Variants in OR2T2 observed in about 807,000 individuals in gnomAD.
OR2T2 encodes olfactory receptor 2T2.
For synonymous variants in OR2T2, 50 were observed against 162.7 expected, an observed-to-expected ratio of 0.31 and a Z score of 5.27; for missense variants, 138 against 409.1, an observed-to-expected ratio of 0.34 and a Z score of 5.72.
chr1:248,453,756 T>C (rs747760520), exon 3 of OR2T2: 10 of 1,552,088 alleles, frequency 6.4e-6, no homozygotes, highest in Non-Finnish European at 8.7e-6. Flanking sequence ...GTGGCGACTG[T>C]GATCAGGAAG....
chr1:248,446,349 C>T (rs1662649681), intron 1 of OR2T2, among the ~76,000 whole-genome samples: 1 of 144,946 alleles, frequency 6.9e-6, no homozygotes, highest in Non-Finnish European at 1.5e-5. Context: ...ATGTTGGAAG[C>T]TCAGGCTGTA....
exon 3 of OR2T2, chr1:248,454,174 A>G (rs1444612255): frequency 5.0e-6 from 1 of 200,844 alleles, no homozygotes; most frequent in Non-Finnish European, 8.4e-6. Flanking sequence ...TGTGACCATG[A>G]GTCCTTCCTG....
At chr1:248,445,876 A>G (rs1457021550) in intron 1 of OR2T2, among the ~76,000 whole-genome samples, 2 of 150,662 alleles carry the variant, frequency 1.3e-5, no homozygotes, top group Admixed American at 1.3e-4. Flanking sequence ...GGCATTTAGC[A>G]TGAAACGTGG....
chr1:248,446,868 A>G (rs1389243131), intron 2 of OR2T2, 57 bp downstream of exon 2: 2 of 147,474 alleles, frequency 1.4e-5, no homozygotes, highest in African/African-American at 2.7e-5. Flanking sequence ...AACTTCTGGC[A>G]TAGTAAGTGT....
chr1:248,450,603 T>C (rs1392701920), intron 2 of OR2T2, among the ~76,000 whole-genome samples: 1 of 152,228 alleles, frequency 6.6e-6, no homozygotes, highest in Non-Finnish European at 1.5e-5. Context: ...TCAAAAGTAA[T>C]TGGTTATTTT....
exon 2 of OR2T2, chr1:248,446,627 C>T (rs1219836945): frequency 6.8e-6 from 1 of 147,862 alleles, no homozygotes; most frequent in African/African-American, 2.7e-5. Flanking sequence ...ATGCCAGATC[C>T]TTTGATTTCT....
chr1:248,453,571 C>T (rs1207516842), exon 3 of OR2T2: 4 of 1,550,320 alleles, frequency 2.6e-6, no homozygotes, highest in Non-Finnish European at 3.5e-6. Flanking sequence ...CAGCCTTCTA[C>T]ACCAACGTGC....
At chr1:248,447,573 G>C (rs1245959230) in intron 2 of OR2T2, among the ~76,000 whole-genome samples, 1 of 149,906 alleles carries the variant, frequency 6.7e-6, no homozygotes. Flanking sequence ...TCCCATTTGC[G>C]AGCCTTTTGA....
At chr1:248,447,956 G>T (rs1662705383) in intron 2 of OR2T2, among the ~76,000 whole-genome samples, 3 of 152,272 alleles carry the variant, frequency 2.0e-5, no homozygotes, top group Admixed American at 2.0e-4. Flanking sequence ...ATTTTGAGTA[G>T]TGTGGTGGAA....
At chr1:248,447,000 T>TGG (rs1413442706) in intron 2 of OR2T2, among the ~76,000 whole-genome samples, 189 bp downstream of exon 2, 1 of 148,148 alleles carries the variant, frequency 6.8e-6, no homozygotes, top group African/African-American at 2.6e-5. Context: ...TCAGTTGGGA[T>TGG]GGGAGGGAAA....
At chr1:248,450,811 TTGCAAAAGCCAC>T (rs1662780902) in intron 2 of OR2T2, among the ~76,000 whole-genome samples, 1 of 147,100 alleles carries the variant, frequency 6.8e-6, no homozygotes, top group East Asian at 2.0e-4. Context: ...CAACAAGCTA[TTGCAAAAGCCAC>T]TGCAAATGGA....
rs1290024510 is a variant in OR2T2 at position 248,450,594 on chromosome 1, CA to C, written c.-22-2178del. Among the ~76,000 whole-genome samples, 44 of 152,292 alleles carry C rather than the reference CA, an allele frequency of 2.9e-4. No individual in the cohort carries two copies. In the East Asian group the frequency reaches 6.9e-3, roughly 24 times the overall value. ...AAATGCTCTGGTTCATGTTCTGATT[CA>C]AAAGTAATTGGTTATTTTCTTAGGT... On this transcript the variant is annotated intron_variant, in intron 2 of 2. Coordinates refer to ENST00000642130, the Ensembl canonical transcript of OR2T2.
At chr1:248,447,360 TTTCA>T (rs35486673) in intron 2 of OR2T2, among the ~76,000 whole-genome samples, 23,012 of 113,310 alleles carry the variant, frequency 0.2, 310 homozygotes, top group East Asian at 0.41. Flanking sequence ...CAGGTGGATC[TTTCA>T]TAAGTACCTT....
intron 2 of OR2T2, among the ~76,000 whole-genome samples, chr1:248,448,902 T>TGAGC (rs1376134355): frequency 3.4e-5 from 4 of 119,140 alleles, no homozygotes; most frequent in Non-Finnish European, 7.0e-5. Context: ...ATTTGACAGC[T>TGAGC]GAGCAAAGCA....
chr1:248,447,766 T>C (rs1264505354), intron 2 of OR2T2, among the ~76,000 whole-genome samples: 1 of 152,184 alleles, frequency 6.6e-6, no homozygotes, highest in South Asian at 2.1e-4. Flanking sequence ...TTTCATGCTT[T>C]AAGATCCTTT....
chr1:248,449,788 A>C (rs1303203011), intron 2 of OR2T2, among the ~76,000 whole-genome samples: 3 of 122,032 alleles, frequency 2.5e-5, no homozygotes, highest in Non-Finnish European at 4.7e-5. Context: ...TGAAGCTTTG[A>C]TCACGCAAAT....
chr1:248,452,559 C>T (rs1405778441), intron 2 of OR2T2, among the ~76,000 whole-genome samples: 1 of 130,044 alleles, frequency 7.7e-6, no homozygotes, highest in Non-Finnish European at 1.5e-5. Flanking sequence ...CTGTAGAGTA[C>T]AGAACTATGA....
intron 2 of OR2T2, among the ~76,000 whole-genome samples, chr1:248,448,069 G>C (rs1475055459): frequency 2.0e-5 from 3 of 152,378 alleles, no homozygotes; most frequent in South Asian, 2.1e-4. Context: ...CTCAGTGCTT[G>C]TGTTCAAGTA....
At chr1:248,453,991 T>C in exon 3 of OR2T2, 2 of 582,292 alleles carry the variant, frequency 3.4e-6, no homozygotes, top group Non-Finnish European at 5.9e-6. Flanking sequence ...ACAGGCAAAA[T>C]CATCCTGTTG....
Sources: allele counts gnomAD v4.1 joint callset (sites outside exome capture counted in the v4.1 genomes callset), GRCh38; gene constraint gnomAD v4.1.1; transcripts MANE v1.5; gene names NCBI Gene and HGNC (gene_info 2026-07-23, HGNC 2026-07-21).